MIB2: variants seen among roughly 807,000 people sequenced by gnomAD.
MIB2 encodes the protein E3 ubiquitin-protein ligase MIB2.
MIB2 carries 78 observed loss-of-function variants against 96.6 expected under a neutral mutation model. That is an observed-to-expected ratio of 0.81 (90% confidence interval 0.67 to 0.97). MIB2 has a LOEUF of 0.97. Ranked by LOEUF, MIB2 falls within the 50% of genes least tolerant of loss-of-function variation. The probability of loss-of-function intolerance (pLI) is 0.00; values close to 1 mark genes in which losing one functional copy is unlikely to be tolerated. For synonymous variants in MIB2, 820 were observed against 629.5 expected, an observed-to-expected ratio of 1.30 and a Z score of -4.53; for missense variants, 1,543 against 1,424.0, an observed-to-expected ratio of 1.08 and a Z score of -1.35.
At chr1:1,614,252 T>C (rs1164563497), upstream of MIB2, 1 of 152,256 alleles carries the variant, frequency 6.6e-6, no homozygotes, top group East Asian at 1.9e-4. Flanking sequence ...GGAGCTCTCA[T>C]GCAGGAATAC....
intron 2 of MIB2, among the ~76,000 whole-genome samples, chr1:1,622,731 G>A (rs1191813935): frequency 6.6e-6 from 1 of 152,194 alleles, no homozygotes; most frequent in Non-Finnish European, 1.5e-5. Flanking sequence ...AGTGCCTTGC[G>A]TGGCCAGGGC....
intron 2 of MIB2, among the ~76,000 whole-genome samples, chr1:1,621,758 TAG>T (rs1373240758): frequency 6.6e-6 from 1 of 152,128 alleles, no homozygotes; most frequent in Non-Finnish European, 1.5e-5. Flanking sequence ...CCCTGAGAAT[TAG>T]AGGGAGTCCT....
chr1:1,621,565 A>C (rs1207036165), intron 2 of MIB2, among the ~76,000 whole-genome samples: 1 of 152,210 alleles, frequency 6.6e-6, no homozygotes, highest in Non-Finnish European at 1.5e-5. Context: ...CTCTGGACAG[A>C]TGAGGCCATG....
chr1:1,625,858 G>T lies in MIB2; in HGVS notation c.972+205G>T, dbSNP rs1376147694. Reference sequence around the variant, plus strand: ...TGGGTGTGAAGGAACCCAGAGGAGGGTATGTCTCTGGGAGCTGGAATGGGC... The same window carrying T: ...TGGGTGTGAAGGAACCCAGAGGAGGTTATGTCTCTGGGAGCTGGAATGGGC... On this transcript the variant is annotated intron_variant, in intron 8 of 19. Transcript: ENST00000355826. This position sits in a 1 kb window ranked among gnomAD's most constrained non-coding sequence, Gnocchi z 5.0. 9 of 589,896 alleles carry T rather than the reference G, an allele frequency of 1.5e-5. No homozygotes were observed. Among genetic ancestry groups the T allele is most frequent in the African/African-American group, 1.5e-4 (8 of 53,594 alleles). 36.5% of individuals were successfully genotyped at this position (589,896 alleles called of 1,614,324 possible). A position where few individuals can be genotyped will look rare whatever the true frequency, so the allele number is the denominator to read the frequency against.
Position 1,629,485 on chromosome 1 carries a change from G to A in MIB2, c.2482G>A (p.Glu828Lys). 1.3e-6 allele frequency: 2 copies of A among 1,523,062 alleles called. No individual in the cohort carries two copies. The highest frequency in any genetic ancestry group is 1.8e-6 in the Non-Finnish European group (2 of 1,139,180). 94.3% of individuals were successfully genotyped at this position (1,523,062 alleles called of 1,614,324 possible). ...NLHVGAAPGP[E>K]AAECLVCSEL... ...GCACGTGGGCGCCGCGCCGGGGCCC[G>A]AGGCCGCTGAGTGCCTGGTGTGCTC... Residue 828 changes from glutamate to lysine, a missense_variant, in exon 18 of 20, where the codon GAG (glutamate) becomes AAG (lysine). Transcript: ENST00000355826.
At chr1:1,628,987 C>T (rs1645090746) in intron 16 of MIB2, 146 bp from the exon 17 acceptor site, 6 of 923,740 alleles carry the variant, frequency 6.5e-6, no homozygotes, top group Non-Finnish European at 9.2e-6. Context: ...CCCCTCCTGC[C>T]TGTCCCACTT....
In MIB2 at chr1:1,629,321, TG is replaced by T; in HGVS notation, c.2381+12del. On this transcript the variant is annotated intron_variant, in intron 17 of 19. Transcript: ENST00000355826. ...GCGCCCAGCGCTTCCGGTGAGTCCGTGGACGGCGGGGATGGGGTCCGGCGGC... is the reference window on the plus strand; with the variant it reads ...GCGCCCAGCGCTTCCGGTGAGTCCGTGACGGCGGGGATGGGGTCCGGCGGC... The T allele has an allele frequency of 6.8e-7, 1 of 1,475,998 alleles. No individual in the cohort carries two copies. The highest frequency in any genetic ancestry group is 1.4e-5 in the South Asian group (1 of 72,534). 91.4% of individuals were successfully genotyped at this position (1,475,998 alleles called of 1,614,324 possible).
intron 2 of MIB2, 167 bp from the exon 3 acceptor site, chr1:1,623,264 C>T (rs573759540): frequency 4.8e-5 from 56 of 1,177,842 alleles, no homozygotes; most frequent in African/African-American, 1.6e-4. Context: ...TGCCAGACTG[C>T]GGGCCTCCTT....
At chr1:1,629,959 G>A (rs1483788942) in intron 19 of MIB2, among the ~76,000 whole-genome samples, 1 of 115,250 alleles carries the variant, frequency 8.7e-6, no homozygotes, top group African/African-American at 3.4e-5. Context: ...TGGATTTCAC[G>A]GCCCCTCCCA....
In MIB2 at chr1:1,626,237, GT is replaced by G. The variant is rs1261418887; in HGVS notation, c.973-412del. On this transcript the variant is annotated intron_variant, in intron 8 of 19. Transcript: ENST00000355826. The surrounding 1 kb of genome is among the most constrained non-coding windows in gnomAD (Gnocchi z 5.3). The stretch of plus-strand genomic sequence containing the variant: ...GGGAGTCATGAGACGGGCTTGTAGA[GT>G]GAGTTCCCTGCATATGAGGGCTCAG... 3 of 234,142 alleles carry G rather than the reference GT, an allele frequency of 1.3e-5. No individual in the cohort carries two copies. The highest frequency in any genetic ancestry group is 6.8e-5 in the African/African-American group (3 of 43,908). The allele number at this position is 234,142 out of a possible 1,614,324, so 14.5% of individuals were successfully genotyped here. A position where few individuals can be genotyped will look rare whatever the true frequency, so the allele number is the denominator to read the frequency against.
rs572397783 is a variant in MIB2, at chr1:1,629,607, G to A, written c.2564-32G>A. The A allele has an allele frequency of 1.9e-4, 305 of 1,570,810 alleles. 2 individuals are homozygous for A. In the South Asian group the frequency reaches 3.2e-3, roughly 16 times the overall value. On this transcript the variant is annotated intron_variant, in intron 18 of 19. Coordinates refer to ENST00000355826, the MANE Select transcript of MIB2 (RefSeq NM_001170687.4). ...CGGGGTGGGGAGGCCCGGCTAGTAG[G>A]GCCGCAGCCAACCGCGCTCTCCTCT...
intron 2 of MIB2, among the ~76,000 whole-genome samples, chr1:1,622,790 TC>T (rs1252402595): frequency 1.3e-5 from 2 of 152,236 alleles, no homozygotes; most frequent in Non-Finnish European, 2.9e-5. Context: ...CGCTGCACTG[TC>T]CCTGACGTGC....
At chr1:1,624,698 A>G (rs1644570529) in intron 4 of MIB2, 97 bp from the exon 5 acceptor site, 4 of 1,158,208 alleles carry the variant, frequency 3.5e-6, no homozygotes, top group East Asian at 2.6e-5. Flanking sequence ...CTGGGTGGAC[A>G]GGGGGCCTGC....
chr1:1,623,623 C>T lies in MIB2; in HGVS notation c.171C>T (p.Asp57=). 1.3e-6 allele frequency: 2 copies of T among 1,485,654 alleles called. No homozygotes were observed. The highest frequency in any genetic ancestry group is 2.7e-5 in the South Asian group (2 of 75,162). The allele number at this position is 1,485,654 out of a possible 1,614,324, so 92.0% of individuals were successfully genotyped here. A position where few individuals can be genotyped will look rare whatever the true frequency, so the allele number is the denominator to read the frequency against. ...ACCGCACAGTGGTCGTGCAGTGGGA[C>T]CAGGGCACGCGCACCAACTACCGCG... ...TPDRTVVVQW[D]QGTRTNYRAG... The change falls in exon 3 of 20, where the codon GAC becomes GAT. Residue 57 remains aspartate (D), a synonymous_variant. Coordinates refer to ENST00000355826, the MANE Select transcript of MIB2 (RefSeq NM_001170687.4).
chr1:1,615,442 C>T (rs1468441269), upstream of MIB2: 2 of 1,504,738 alleles, frequency 1.3e-6, no homozygotes, highest in Non-Finnish European at 8.8e-7. Flanking sequence ...TGCCCATCCC[C>T]GTGGCGGGGG....
intron 4 of MIB2, chr1:1,624,189 G>C (rs1161159458): frequency 2.1e-5 from 12 of 562,942 alleles, no homozygotes; most frequent in Non-Finnish European, 3.8e-5. Context: ...AGACCTCCAG[G>C]AGGACAGCCC....
chr1:1,629,414 C>G lies in MIB2; in HGVS notation c.2411C>G (p.Pro804Arg), dbSNP rs1456903416. 2.7e-6 allele frequency: 4 copies of G among 1,474,560 alleles called. No homozygotes were observed. Among genetic ancestry groups the G allele is most frequent in the Non-Finnish European group, 3.6e-6 (4 of 1,123,226 alleles). The allele number at this position is 1,474,560 out of a possible 1,614,324, so 91.3% of individuals were successfully genotyped here. A position where few individuals can be genotyped will look rare whatever the true frequency, so the allele number is the denominator to read the frequency against. ...RERQAGGGAA[P>R]GPRQTLGTPN... ...CGGCAGGCGGGCGGGGGCGCGGCCC[C>G]GGGCCCCAGGCAAACGCTCGGGACC... The change falls in exon 18 of 20, where the codon CCG becomes CGG. Residue 804 changes from proline (P) to arginine (R), a missense_variant. Transcript: ENST00000355826.
At position 1,629,169 on chromosome 1, in the gene MIB2, A is replaced by G; in HGVS notation, c.2239A>G (p.Thr747Ala). 6.6e-7 allele frequency: 1 copy of G among 1,504,790 alleles called. No individual in the cohort carries two copies. Among genetic ancestry groups the G allele is most frequent in the Non-Finnish European group, 8.8e-7 (1 of 1,135,010 alleles). The allele number at this position is 1,504,790 out of a possible 1,614,324, so 93.2% of individuals were successfully genotyped here. Residue 747 changes from threonine to alanine, a missense_variant, in exon 17 of 20, where the codon ACG becomes GCG. Transcript: ENST00000355826. ...ASGLPGSAEL[T>A]VGAAVACFLA... ...GGGCCTCCCCGGCAGCGCGGAGCTG[A>G]CGGTGGGCGCGGCGGTCGCCTGCTT... is the stretch of plus-strand genomic sequence containing the variant.
At position 1,630,503 on chromosome 1, in the gene MIB2, C is replaced by A. The variant is rs1293186720; in HGVS notation, c.2841C>A (p.Ile947=). The change falls in exon 20 of 20, where the codon ATC becomes ATA. Residue 947 remains isoleucine, a synonymous_variant. Transcript: ENST00000355826. ...LSACPICRQP[I]RDRIQIFV ...CCTGCCCCATCTGCCGCCAGCCCAT[C>A]CGCGACCGCATCCAGATCTTCGTGT... The A allele has an allele frequency of 1.3e-6, 2 of 1,592,142 alleles. No individual in the cohort carries two copies. Among genetic ancestry groups the A allele is most frequent in the East Asian group, 2.3e-5 (1 of 43,656 alleles).
Sources: gnomAD v4.1 joint callset for allele counts (sites outside exome capture counted in the v4.1 genomes callset) on GRCh38, gnomAD v4.1.1 for gene constraint, Gnocchi (gnomAD v3.1) non-coding constraint, MANE v1.5 for transcripts, NCBI Gene and HGNC (gene_info 2026-07-23, HGNC 2026-07-21) for gene names.